Variants in ACO1 observed in about 807,000 individuals in gnomAD.
The protein encoded by ACO1 is aconitase 1.
In ACO1, 78 loss-of-function variants were observed where a neutral mutation model predicts 105.1. That is an observed-to-expected ratio of 0.74 (90% CI 0.62 to 0.90). The LOEUF (loss-of-function observed/expected upper bound fraction) is 0.90, where lower values mean the gene tolerates loss of function less well. Among genes scored for constraint, ACO1 ranks in the 40% least tolerant of loss-of-function variants. ACO1 has a pLI of 0.00. For missense variants in ACO1, 965 were observed against 1,111.1 expected, an observed-to-expected ratio of 0.87 and a Z score of 1.87; for synonymous variants, 364 against 397.4, an observed-to-expected ratio of 0.92 and a Z score of 1.00.
chr9:32,421,641 G>A (rs1821978032), intron 8 of ACO1, among the ~76,000 whole-genome samples: 1 of 152,188 alleles, frequency 6.6e-6, no homozygotes, highest in Non-Finnish European at 1.5e-5. Flanking sequence ...CTGAGGTCAG[G>A]AGTTCGAGAC....
In ACO1 at chr9:32,440,385, C is replaced by T. The variant is rs73477399; in HGVS notation, c.2248-80C>T. On this transcript the variant is annotated intron_variant, in intron 18 of 20. Transcript: ENST00000309951. ...GGCCATCTGCAAACCCATCCAGCCCCGCCCTCACCAGGGCTCAGGGGACCT... is the reference window on the plus strand; with the variant it reads ...GGCCATCTGCAAACCCATCCAGCCCTGCCCTCACCAGGGCTCAGGGGACCT... The T allele has an allele frequency of 1.6e-3, 2,477 of 1,570,688 alleles. 37 individuals are homozygous for T. In the African/African-American group the frequency reaches 0.028, roughly 18 times the overall value.
At chr9:32,426,906 T>C (rs556383951) in intron 11 of ACO1, among the ~76,000 whole-genome samples, 2 of 152,260 alleles carry the variant, frequency 1.3e-5, no homozygotes, top group East Asian at 1.9e-4. Context: ...ACAGCTGATA[T>C]AGTTTCAGAA....
intron 1 of ACO1, among the ~76,000 whole-genome samples, chr9:32,387,702 G>T (rs541936595): frequency 6.6e-6 from 1 of 152,252 alleles, no homozygotes; most frequent in South Asian, 2.1e-4. Context: ...AGGCTTTTTG[G>T]GTTATGGTTA....
At chr9:32,392,535 C>T (rs1030454279) in intron 1 of ACO1, among the ~76,000 whole-genome samples, 1 of 152,172 alleles carries the variant, frequency 6.6e-6, no homozygotes, top group Non-Finnish European at 1.5e-5. Flanking sequence ...CTGTCCCAGT[C>T]CAACCTGCTA....
chr9:32,436,616 T>G (rs1822368090), intron 18 of ACO1, among the ~76,000 whole-genome samples: 1 of 152,236 alleles, frequency 6.6e-6, no homozygotes, highest in African/African-American at 2.4e-5. Context: ...GTGGTTTCAC[T>G]GAGTCTCTTT....
chr9:32,392,654 C>T (rs62571709), intron 1 of ACO1, among the ~76,000 whole-genome samples: 23,014 of 152,176 alleles, frequency 0.15, 2,137 homozygotes, highest in South Asian at 0.29. Flanking sequence ...TGCCAGTTTG[C>T]CCAAATGAGA....
At position 32,418,325 on chromosome 9, in the gene ACO1, C is replaced by T; in HGVS notation, c.475-3C>T. On this transcript the variant is annotated splice_polypyrimidine_tract_variant and splice_region_variant and intron_variant, in intron 5 of 20. Coordinates refer to ENST00000309951, the MANE Select transcript of ACO1 (RefSeq NM_002197.3). ...TAGTGTTCTTTCCATTTGTCAATCC[C>T]AGTGGGGTTCCCAGGCTTTTCACAA... 1 of 1,614,006 alleles carries T rather than the reference C, an allele frequency of 6.2e-7. No individual in the cohort carries two copies. The highest frequency in any genetic ancestry group is 8.5e-7 in the Non-Finnish European group (1 of 1,179,948).
chr9:32,418,856 ATT>A (rs991135609), intron 6 of ACO1, among the ~76,000 whole-genome samples, 180 bp from the exon 7 acceptor site: 2 of 152,232 alleles, frequency 1.3e-5, no homozygotes, highest in African/African-American at 4.8e-5. Flanking sequence ...TTTGAGAAAC[ATT>A]TGTTAAAAAA....
intron 4 of ACO1, among the ~76,000 whole-genome samples, chr9:32,416,155 C>T (rs1336190033): frequency 6.1e-5 from 9 of 147,584 alleles, no homozygotes; most frequent in African/African-American, 2.0e-4. Context: ...AGTGCAGTGG[C>T]GCGATCTTGG....
Position 32,452,553 on chromosome 9 carries a change from A to C in ACO1, c.*2442A>C, listed in dbSNP as rs1822791252. 1 of 152,230 alleles carries C rather than the reference A, an allele frequency of 6.6e-6. No homozygotes were observed. The highest frequency in any genetic ancestry group is 1.5e-5 in the Non-Finnish European group (1 of 68,070). 9.4% of individuals were successfully genotyped at this position (152,230 alleles called of 1,614,324 possible). On this transcript the variant is annotated 3_prime_UTR_variant, in exon 21 of 21. Transcript: ENST00000309951. ...CTATTGTTTATAAGCCACCCAGTTG[A>C]TATTTAGTTACAGCAGCCCAACCAA...
At chr9:32,409,988 T>C (rs1240298217) in intron 4 of ACO1, among the ~76,000 whole-genome samples, 2 of 152,218 alleles carry the variant, frequency 1.3e-5, no homozygotes, top group Non-Finnish European at 2.9e-5. Context: ...TCCTAGCCCA[T>C]TGAAGAGATG....
chr9:32,428,255 G>A (rs1822143631), intron 12 of ACO1, among the ~76,000 whole-genome samples: 1 of 138,850 alleles, frequency 7.2e-6, no homozygotes, highest in South Asian at 2.3e-4. Context: ...CTGTACTCCA[G>A]TTTGGGTGAC....
intron 1 of ACO1, among the ~76,000 whole-genome samples, chr9:32,387,875 A>T (rs527805243): frequency 3.9e-5 from 6 of 152,344 alleles, no homozygotes; most frequent in Non-Finnish European, 4.4e-5. Flanking sequence ...TCAGAACAAG[A>T]ACCATGTTTC....
At chr9:32,440,608 C>G in intron 19 of ACO1, 21 bp downstream of exon 19, 2 of 1,611,238 alleles carry the variant, frequency 1.2e-6, no homozygotes, top group Non-Finnish European at 8.5e-7. Context: ...AGTAGACATC[C>G]TAGGAGGCAG....
rs753137118 is a variant in ACO1, at chr9:32,452,963, A to AC, written c.*2866dup. On this transcript the variant is annotated 3_prime_UTR_variant, in exon 21 of 21. Transcript: ENST00000309951. ...AGTGAGACCCTATCAATCAATCACC[A>AC]CCCCCCCCCCCCCCAAAAAAAAAAG... 5.9e-5 allele frequency: 3 copies of AC among 51,190 alleles called. No homozygotes were observed. Among genetic ancestry groups the AC allele is most frequent in the East Asian group, 6.7e-4 (1 of 1,492 alleles). The allele number at this position is 51,190 out of a possible 1,614,324, so 3.2% of individuals were successfully genotyped here. A position where few individuals can be genotyped will look rare whatever the true frequency, so the allele number is the denominator to read the frequency against.
At chr9:32,406,818 C>G (rs941340928) in intron 2 of ACO1, among the ~76,000 whole-genome samples, 1 of 152,216 alleles carries the variant, frequency 6.6e-6, no homozygotes, top group African/African-American at 2.4e-5. Flanking sequence ...GAGTCTTGCT[C>G]TGTCGCCAGG....
chr9:32,408,400 A>G, intron 3 of ACO1, 114 bp from the exon 4 acceptor site: 4 of 1,203,516 alleles, frequency 3.3e-6, no homozygotes, highest in Non-Finnish European at 4.7e-6. Context: ...ACCCATTGTT[A>G]GCTCCTCTGA....
chr9:32,435,461 A>G (rs1163047894), intron 17 of ACO1, among the ~76,000 whole-genome samples: 1 of 152,206 alleles, frequency 6.6e-6, no homozygotes, highest in African/African-American at 2.4e-5. Context: ...ATTCCAAGAC[A>G]TACTCACCTG....
chr9:32,426,607 C>T (rs1822104832), intron 11 of ACO1, among the ~76,000 whole-genome samples: 1 of 152,206 alleles, frequency 6.6e-6, no homozygotes, highest in Non-Finnish European at 1.5e-5. Flanking sequence ...ATTAGGAAAG[C>T]CTTCTTTGCC....
Sources: gnomAD v4.1 joint callset for allele counts (sites outside exome capture counted in the v4.1 genomes callset) on GRCh38, gnomAD v4.1.1 for gene constraint, MANE v1.5 for transcripts, NCBI Gene and HGNC (gene_info 2026-07-23, HGNC 2026-07-21) for gene names.